Variants in ZBTB20 observed in about 807,000 individuals in gnomAD.
The protein encoded by ZBTB20 is zinc finger and BTB domain containing 20, also known as zinc finger and BTB domain-containing protein 20.
In ZBTB20, 9 loss-of-function variants were observed where a neutral mutation model predicts 56.9. The observed-to-expected ratio is 0.16, with a 90% CI of 0.10 to 0.28. The LOEUF (loss-of-function observed/expected upper bound fraction) is 0.28. ZBTB20 is among the 10% of genes least tolerant of loss of function. The pLI is 1.00. For synonymous variants in ZBTB20, 417 were observed against 420.7 expected (o/e 0.99, Z 0.11); for missense variants, 655 against 1,003.0 (o/e 0.65, Z 4.69).
Position 114,480,212 on chromosome 3 carries a change from A to AT in ZBTB20, c.-255+20139dup, listed in dbSNP as rs1172466115. 5.4e-4 allele frequency among the ~76,000 whole-genome samples: 80 copies of AT among 147,824 alleles called. 1 individual carries two copies. Among genetic ancestry groups the AT allele is most frequent in the East Asian group, 3.3e-3 (17 of 5,082 alleles). On this transcript the variant is annotated intron_variant, in intron 7 of 11. Coordinates refer to ENST00000675478, the MANE Select transcript of ZBTB20 (RefSeq NM_001348800.3). ...CATGCTAGTTCTCAGCACAGAAGTG[A>AT]TTTTTTTTTTTTAAGTTGCATAAAG...
chr3:114,390,938 C>A (rs75582163), intron 7 of ZBTB20, among the ~76,000 whole-genome samples: 265 of 152,252 alleles, frequency 1.7e-3, no homozygotes, highest in African/African-American at 6.2e-3. Flanking sequence ...CATTGGTATT[C>A]TCTTCATCCA....
rs547079039 is a variant in ZBTB20, at chr3:114,333,659, C to T, written c.*5346G>A. On this transcript the variant is annotated 3_prime_UTR_variant, in exon 12 of 12. Transcript: ENST00000675478. ...GTCACATGGTTCTGTCTTCAGTATC[C>T]TATTTTTCTTTTTTTTTAATTTCTT... The T allele has an allele frequency of 2.6e-5, 4 of 152,228 alleles. No homozygotes were observed. The South Asian group carries it at 8.3e-4, about 32-fold the overall frequency. 9.4% of individuals were successfully genotyped at this position (152,228 alleles called of 1,614,324 possible).
At chr3:114,766,140 G>A (rs1486863176) in intron 5 of ZBTB20, among the ~76,000 whole-genome samples, 1 of 152,126 alleles carries the variant, frequency 6.6e-6, no homozygotes, top group Non-Finnish European at 1.5e-5. Flanking sequence ...TCATCCAGAT[G>A]AGAAGTTAAA....
chr3:114,547,061 T>C (rs1011994880), intron 6 of ZBTB20, among the ~76,000 whole-genome samples: 2 of 152,184 alleles, frequency 1.3e-5, no homozygotes, highest in Non-Finnish European at 2.9e-5. Flanking sequence ...TTACCAATGC[T>C]AAGCCAAAGC....
intron 3 of ZBTB20, among the ~76,000 whole-genome samples, chr3:114,952,303 G>A (rs995214234): frequency 6.6e-6 from 1 of 151,968 alleles, no homozygotes; most frequent in Non-Finnish European, 1.5e-5. Flanking sequence ...GTTTGGCCCA[G>A]TGTCCTCTCT....
intron 4 of ZBTB20, among the ~76,000 whole-genome samples, chr3:114,890,742 A>C (rs889555469): frequency 6.6e-6 from 1 of 152,224 alleles, no homozygotes; most frequent in African/African-American, 2.4e-5. Context: ...TAGAACTTAA[A>C]GTATAATAAA....
chr3:115,069,289 G>A (rs961721420), intron 2 of ZBTB20, among the ~76,000 whole-genome samples: 2 of 152,016 alleles, frequency 1.3e-5, no homozygotes, highest in African/African-American at 2.4e-5. Context: ...TTTTTGTCAC[G>A]ACTTTTGTTT....
chr3:114,642,254 A>G (rs1418875783), intron 6 of ZBTB20, among the ~76,000 whole-genome samples: 1 of 152,016 alleles, frequency 6.6e-6, no homozygotes, highest in African/African-American at 2.4e-5. Context: ...TCTCTTGGAG[A>G]AAAAATATCT....
At chr3:114,719,925 CAGTGAGT>C (rs2064794482) in intron 5 of ZBTB20, among the ~76,000 whole-genome samples, 1 of 151,802 alleles carries the variant, frequency 6.6e-6, no homozygotes, top group Non-Finnish European at 1.5e-5. Flanking sequence ...AAAATCCTCC[CAGTGAGT>C]AGCTTTCAAG....
intron 4 of ZBTB20, among the ~76,000 whole-genome samples, chr3:114,803,785 T>TG (rs1474105909): frequency 6.7e-6 from 1 of 149,772 alleles, no homozygotes; most frequent in African/African-American, 2.4e-5. Flanking sequence ...TTCTGTTTTT[T>TG]TTTTTTTTTT....
At chr3:114,746,431 A>G (rs547991591) in intron 5 of ZBTB20, among the ~76,000 whole-genome samples, 1 of 151,742 alleles carries the variant, frequency 6.6e-6, no homozygotes, top group East Asian at 1.9e-4. Context: ...GCTTCGTTCT[A>G]GTAGAATTTG....
At chr3:114,771,356 A>G (rs1025209755) in intron 5 of ZBTB20, among the ~76,000 whole-genome samples, 6 of 152,200 alleles carry the variant, frequency 3.9e-5, no homozygotes, top group Non-Finnish European at 7.4e-5. Flanking sequence ...GATTTATTAA[A>G]TAACTAAAAA....
chr3:114,546,379 C>T (rs2049882287), intron 6 of ZBTB20, among the ~76,000 whole-genome samples: 1 of 152,124 alleles, frequency 6.6e-6, no homozygotes. Context: ...CCTGGCCAGG[C>T]AACATAGGTC....
At chr3:115,080,708 C>A (rs2082765261) in intron 1 of ZBTB20, among the ~76,000 whole-genome samples, 3 of 152,078 alleles carry the variant, frequency 2.0e-5, no homozygotes, top group Admixed American at 2.0e-4. Context: ...CTCATAAGAA[C>A]ATTAATTGTT....
intron 5 of ZBTB20, among the ~76,000 whole-genome samples, chr3:114,775,783 T>C (rs1381266529): frequency 6.6e-6 from 1 of 152,156 alleles, no homozygotes; most frequent in East Asian, 1.9e-4. Flanking sequence ...AGTTGACATT[T>C]GATTGAGCTG....
chr3:114,465,044 G>T (rs1299467884), intron 7 of ZBTB20, among the ~76,000 whole-genome samples: 1 of 147,752 alleles, frequency 6.8e-6, no homozygotes. Context: ...GGACTGTTTT[G>T]TTTTTAGGTA....
chr3:114,455,594 C>A (rs888601968), intron 7 of ZBTB20, among the ~76,000 whole-genome samples: 32 of 151,954 alleles, frequency 2.1e-4, no homozygotes, highest in Non-Finnish European at 4.3e-4. Flanking sequence ...CAGTCAGATG[C>A]CGAATCTAGA....
At position 114,424,813 on chromosome 3, in the gene ZBTB20, C is replaced by T. The variant is rs577978073; in HGVS notation, c.-254-35708G>A. Among the ~76,000 whole-genome samples, 3 of 152,192 alleles carry T rather than the reference C, an allele frequency of 2.0e-5. No homozygotes were observed. In the South Asian group the frequency reaches 6.2e-4, roughly 32 times the overall value. On this transcript the variant is annotated intron_variant, in intron 7 of 11. Transcript: ENST00000675478. ...GCAAGGCATGGCACATCTTTTGTAC[C>T]ATGGCATTGACCAAGTCCTTTTACT...
intron 4 of ZBTB20, among the ~76,000 whole-genome samples, chr3:114,812,611 A>G (rs2072620560): frequency 6.6e-6 from 1 of 152,186 alleles, no homozygotes; most frequent in African/African-American, 2.4e-5. Flanking sequence ...TCCCCACCAG[A>G]CTTAGGAGCC....
Sources: gnomAD v4.1 joint callset for allele counts (sites outside exome capture counted in the v4.1 genomes callset) on GRCh38, gnomAD v4.1.1 for gene constraint, MANE v1.5 for transcripts, NCBI Gene and HGNC (gene_info 2026-07-23, HGNC 2026-07-21) for gene names.